Variants in SCFD2 observed in about 807,000 individuals in gnomAD.
The protein encoded by SCFD2 is sec1 family domain-containing protein 2.
Under a neutral mutation model 58.9 loss-of-function variants are expected in SCFD2, and 54 were observed. The observed-to-expected ratio is 0.92, with a 90% CI of 0.74 to 1.15. The LOEUF is 1.15. Ranked by LOEUF, SCFD2 falls within the 50% of genes most tolerant of loss-of-function variation. The pLI, the probability that SCFD2 is intolerant of heterozygous loss-of-function variation, is 0.00. For synonymous variants in SCFD2, 321 were observed against 335.9 expected, an observed-to-expected ratio of 0.96 and a Z score of 0.49; for missense variants, 805 against 836.6, an observed-to-expected ratio of 0.96 and a Z score of 0.47.
At chr4:53,082,289 C>G (rs1724170882) in intron 5 of SCFD2, among the ~76,000 whole-genome samples, 1 of 152,128 alleles carries the variant, frequency 6.6e-6, no homozygotes, top group Non-Finnish European at 1.5e-5. Context: ...TCTAGCTCCA[C>G]TATTTTATAT....
At chr4:53,266,953 C>G (rs1261125458) in intron 4 of SCFD2, among the ~76,000 whole-genome samples, 1 of 152,180 alleles carries the variant, frequency 6.6e-6, no homozygotes, top group Admixed American at 6.5e-5. Flanking sequence ...GTGTATAAAT[C>G]TATTGTTTCT....
At chr4:52,888,908 G>A (rs1368489683) in intron 7 of SCFD2, among the ~76,000 whole-genome samples, 2 of 152,262 alleles carry the variant, frequency 1.3e-5, no homozygotes, top group Middle Eastern at 3.4e-3. Flanking sequence ...CCCAGCTCCT[G>A]CAGACGACAC....
At chr4:53,011,631 C>T (rs561744508) in intron 5 of SCFD2, among the ~76,000 whole-genome samples, 32 of 152,326 alleles carry the variant, frequency 2.1e-4, no homozygotes, top group African/African-American at 7.5e-4. Flanking sequence ...GAGGCACTGG[C>T]TCCTTAAATA....
chr4:52,916,351 C>G (rs945249036), intron 6 of SCFD2, among the ~76,000 whole-genome samples: 1 of 152,242 alleles, frequency 6.6e-6, no homozygotes, highest in African/African-American at 2.4e-5. Flanking sequence ...GGGCAGATCA[C>G]CTGAGGTCAG....
chr4:52,898,703 A>C (rs1043493479), intron 7 of SCFD2, among the ~76,000 whole-genome samples: 1 of 152,108 alleles, frequency 6.6e-6, no homozygotes, highest in African/African-American at 2.4e-5. Flanking sequence ...ATTCCTGGAT[A>C]TCCTTGTGAA....
At chr4:53,246,809 T>A (rs375727489) in intron 4 of SCFD2, among the ~76,000 whole-genome samples, 1 of 152,166 alleles carries the variant, frequency 6.6e-6, no homozygotes, top group East Asian at 1.9e-4. Context: ...ATGATGAAGT[T>A]GCCAAAAGCA....
intron 5 of SCFD2, among the ~76,000 whole-genome samples, chr4:53,078,897 A>G (rs1351834459): frequency 6.6e-6 from 1 of 152,212 alleles, no homozygotes; most frequent in South Asian, 2.1e-4. Flanking sequence ...AACAGTCCAT[A>G]CCAAATGTTC....
chr4:52,899,810 T>C (rs549030802), intron 7 of SCFD2, among the ~76,000 whole-genome samples: 3 of 152,250 alleles, frequency 2.0e-5, no homozygotes, highest in Admixed American at 6.5e-5. Flanking sequence ...ATTTGGTCTT[T>C]TCATATAGTC....
intron 5 of SCFD2, among the ~76,000 whole-genome samples, chr4:53,032,652 CAG>C (rs918357005): frequency 6.6e-6 from 1 of 151,930 alleles, no homozygotes; most frequent in African/African-American, 2.4e-5. Flanking sequence ...AAACAAAAAA[CAG>C]GGGTTGCAAT....
chr4:53,011,263 C>T (rs1368258401), intron 5 of SCFD2, among the ~76,000 whole-genome samples: 1 of 151,956 alleles, frequency 6.6e-6, no homozygotes, highest in Non-Finnish European at 1.5e-5. Context: ...TTTTTTTTCC[C>T]CCCCAAAGAA....
chr4:53,366,052 G>C lies in SCFD2; in HGVS notation c.-111C>G, dbSNP rs1383056777. 1.5e-6 allele frequency: 2 copies of C among 1,303,384 alleles called. No homozygotes were observed. The highest frequency in any genetic ancestry group is 2.1e-6 in the Non-Finnish European group (2 of 962,112). 80.7% of individuals were successfully genotyped at this position (1,303,384 alleles called of 1,614,324 possible). A position where few individuals can be genotyped will look rare whatever the true frequency, so the allele number is the denominator to read the frequency against. On this transcript the variant is annotated 5_prime_UTR_variant, in exon 1 of 9. Coordinates refer to ENST00000401642, the MANE Select transcript of SCFD2 (RefSeq NM_152540.4). ...TTTGACAGTCTCCACAGTACACGTG[G>C]TCGGCCTCTGACACGCTCCCTGATG...
At chr4:52,994,006 G>C (rs1721684388) in intron 5 of SCFD2, among the ~76,000 whole-genome samples, 1 of 152,244 alleles carries the variant, frequency 6.6e-6, no homozygotes, top group East Asian at 1.9e-4. Flanking sequence ...CCTGAGGCTG[G>C]TCCCGCTCTA....
intron 6 of SCFD2, among the ~76,000 whole-genome samples, chr4:52,916,291 C>T (rs926357735): frequency 6.6e-5 from 10 of 152,176 alleles, no homozygotes; most frequent in Admixed American, 3.3e-4. Context: ...TTTCTGCGGC[C>T]GGGCGCAGTA....
intron 3 of SCFD2, among the ~76,000 whole-genome samples, chr4:53,299,276 G>T (rs1317806036): frequency 6.6e-6 from 1 of 152,194 alleles, no homozygotes; most frequent in Non-Finnish European, 1.5e-5. Context: ...GAAAACCACG[G>T]CACGAGAACT....
chr4:53,324,548 G>A (rs142855794), intron 2 of SCFD2, among the ~76,000 whole-genome samples: 2 of 152,280 alleles, frequency 1.3e-5, no homozygotes, highest in African/African-American at 4.8e-5. Context: ...GGCCACATGG[G>A]GAAGCACCAG....
chr4:52,976,615 G>C (rs753950020), intron 5 of SCFD2, among the ~76,000 whole-genome samples: 1 of 152,122 alleles, frequency 6.6e-6, no homozygotes, highest in Non-Finnish European at 1.5e-5. Context: ...AATGCCAGCC[G>C]ACCCTGACAC....
intron 4 of SCFD2, among the ~76,000 whole-genome samples, chr4:53,272,075 T>G (rs947734933): frequency 1.3e-5 from 2 of 152,178 alleles, no homozygotes; most frequent in African/African-American, 4.8e-5. Context: ...AAAGAAGACA[T>G]TTATGCAGCC....
chr4:53,123,179 G>C (rs1725530370), intron 5 of SCFD2, among the ~76,000 whole-genome samples: 1 of 152,140 alleles, frequency 6.6e-6, no homozygotes. Flanking sequence ...TGCAAGGTAT[G>C]TTTCTGTCCC....
chr4:53,115,118 A>T (rs1486385102), intron 5 of SCFD2, among the ~76,000 whole-genome samples: 1 of 152,166 alleles, frequency 6.6e-6, no homozygotes, highest in Non-Finnish European at 1.5e-5. Context: ...ATAAAATGGT[A>T]GACCTAAATC....
Sources: gnomAD v4.1 joint callset for allele counts (sites outside exome capture counted in the v4.1 genomes callset) on GRCh38, gnomAD v4.1.1 for gene constraint, MANE v1.5 for transcripts, NCBI Gene and HGNC (gene_info 2026-07-23, HGNC 2026-07-21) for gene names.